Variants in ZC2HC1B observed in about 807,000 individuals in gnomAD.
ZC2HC1B encodes zinc finger C2HC domain-containing protein 1B.
A neutral mutation model predicts 31.0 loss-of-function variants in ZC2HC1B; 36 were observed. The ratio of observed to expected loss-of-function variants is 1.16; its 90% CI spans 0.89 to 1.54. The LOEUF (loss-of-function observed/expected upper bound fraction) is 1.54. Ranked by LOEUF, ZC2HC1B falls within the 40% of genes most tolerant of loss-of-function variation. The pLI is 0.00. For missense variants in ZC2HC1B, 260 were observed against 268.6 expected, an observed-to-expected ratio of 0.97 and a Z score of 0.22; for synonymous variants, 73 against 88.0, an observed-to-expected ratio of 0.83 and a Z score of 0.95.
At chr6:143,880,829 G>A (rs903120373) in intron 1 of ZC2HC1B, among the ~76,000 whole-genome samples, 29 of 151,964 alleles carry the variant, frequency 1.9e-4, no homozygotes, top group African/African-American at 5.6e-4. Context: ...TTATTTTGCC[G>A]TAATTATAGT....
Position 143,898,533 on chromosome 6 carries a change from T to C in ZC2HC1B, c.350-19T>C, listed in dbSNP as rs1365414728. On this transcript the variant is annotated intron_variant, in intron 4 of 7. Transcript: ENST00000237275. Reference sequence around the variant, plus strand: ...TTTTTGAAGTGCTAATTGCCATTTGTTGTTATCTTTACATTCAGATTATAT... The same window carrying C: ...TTTTTGAAGTGCTAATTGCCATTTGCTGTTATCTTTACATTCAGATTATAT... 26 of 1,550,792 alleles carry C rather than the reference T, an allele frequency of 1.7e-5. No individual in the cohort carries two copies. Among genetic ancestry groups the C allele is most frequent in the Non-Finnish European group, 2.2e-5 (25 of 1,146,394 alleles).
chr6:143,930,533 G>A (rs997367939), intron 6 of ZC2HC1B, among the ~76,000 whole-genome samples: 5 of 151,776 alleles, frequency 3.3e-5, no homozygotes, highest in South Asian at 2.1e-4. Context: ...GACTACAGGC[G>A]CCCGCCACCA....
At position 143,915,790 on chromosome 6, in the gene ZC2HC1B, G is replaced by T. The variant is rs1299368714; in HGVS notation, c.598+12638G>T. ...GGGAGATGACTTAGGGTATCTGGCA[G>T]AATAAATTTCTAAGCAGCAAAGCAT... On this transcript the variant is annotated intron_variant, in intron 6 of 7. Transcript: ENST00000237275. The surrounding 1 kb of genome is among the most constrained non-coding windows in gnomAD (Gnocchi z 5.2). 6.6e-6 allele frequency among the ~76,000 whole-genome samples: 1 copy of T among 152,212 alleles called. No homozygotes were observed. Among genetic ancestry groups the T allele is most frequent in the Non-Finnish European group, 1.5e-5 (1 of 68,028 alleles).
intron 6 of ZC2HC1B, among the ~76,000 whole-genome samples, chr6:143,932,897 G>T (rs1373497472): frequency 6.6e-6 from 1 of 152,108 alleles, no homozygotes; most frequent in Non-Finnish European, 1.5e-5. Context: ...GCCAGATTGT[G>T]GTGATTGTTC....
intron 6 of ZC2HC1B, among the ~76,000 whole-genome samples, chr6:143,914,605 C>A (rs1030657519): frequency 3.9e-5 from 6 of 151,984 alleles, no homozygotes; most frequent in African/African-American, 1.5e-4. Context: ...ATTAAATCTT[C>A]TATTTTCTTA....
rs760923832 is a variant in ZC2HC1B, at chr6:143,917,152, C to T, written c.598+14000C>T. Among the ~76,000 whole-genome samples, 8 of 152,140 alleles carry T rather than the reference C, an allele frequency of 5.3e-5. No individual in the cohort carries two copies. Among genetic ancestry groups the T allele is most frequent in the African/African-American group, 1.7e-4 (7 of 41,432 alleles). ...AGTGAGTAAGTCTCATGAGATCTGA[C>T]GACTTTAAAAAGAGGAGCTCCCCTG... On this transcript the variant is annotated intron_variant, in intron 6 of 7. Transcript: ENST00000237275. This position sits in a 1 kb window ranked among gnomAD's most constrained non-coding sequence, Gnocchi z 4.1.
chr6:143,906,241 G>A (rs561203069), intron 6 of ZC2HC1B, among the ~76,000 whole-genome samples: 21 of 151,870 alleles, frequency 1.4e-4, no homozygotes, highest in Middle Eastern at 3.4e-3. Flanking sequence ...TATTCTATTC[G>A]TTCATGATTT....
At chr6:143,892,079 A>G (rs1271636301) in intron 4 of ZC2HC1B, among the ~76,000 whole-genome samples, 2 of 152,198 alleles carry the variant, frequency 1.3e-5, no homozygotes, top group Non-Finnish European at 2.9e-5. Context: ...TTGTGTTGCT[A>G]TAAAGAAATA....
rs1344975474 is a variant in ZC2HC1B at position 143,868,463 on chromosome 6, C to T, written c.28+3896C>T. On this transcript the variant is annotated intron_variant, in intron 1 of 7. Coordinates refer to ENST00000237275, the MANE Select transcript of ZC2HC1B (RefSeq NM_001013623.3). The surrounding 1 kb of genome is among the most constrained non-coding windows in gnomAD (Gnocchi z 4.2). ...GGAGGCTAGGCCAGTCTAGTCTTTTCACATTTTTTTTTTCTGCCTGCTTTA... is the reference window on the plus strand; with the variant it reads ...GGAGGCTAGGCCAGTCTAGTCTTTTTACATTTTTTTTTTCTGCCTGCTTTA... Among the ~76,000 whole-genome samples the T allele has an allele frequency of 7.7e-6, 1 of 130,440 alleles. No individual in the cohort carries two copies. Among genetic ancestry groups the T allele is most frequent in the Admixed American group, 7.6e-5 (1 of 13,136 alleles). 85.6% of individuals were successfully genotyped at this position (130,440 alleles called of 152,430 possible).
chr6:143,926,309 A>G (rs1469538009), intron 6 of ZC2HC1B, among the ~76,000 whole-genome samples: 1 of 151,790 alleles, frequency 6.6e-6, no homozygotes, highest in East Asian at 1.9e-4. Context: ...ATGGGTTTTG[A>G]TATGTTGTGT....
At chr6:143,920,621 G>A (rs1777975406) in intron 6 of ZC2HC1B, among the ~76,000 whole-genome samples, 1 of 152,146 alleles carries the variant, frequency 6.6e-6, no homozygotes, top group African/African-American at 2.4e-5. Flanking sequence ...TCTTAAAATG[G>A]TTGACACGGC....
Position 143,899,535 on chromosome 6 carries a change from C to A in ZC2HC1B, c.489+844C>A, listed in dbSNP as rs2128494949. On this transcript the variant is annotated intron_variant, in intron 5 of 7. Transcript: ENST00000237275. This position sits in a 1 kb window ranked among gnomAD's most constrained non-coding sequence, Gnocchi z 5.0. The stretch of plus-strand genomic sequence containing the variant: ...GAACTACAGGTGCATAGCACCACGC[C>A]CAGCTAATTTTTTGTATTTTTAGTA... Among the ~76,000 whole-genome samples the A allele has an allele frequency of 6.6e-6, 1 of 152,278 alleles. No homozygotes were observed. The highest frequency in any genetic ancestry group is 1.5e-5 in the Non-Finnish European group (1 of 68,028).
chr6:143,929,497 A>G (rs779498677), intron 6 of ZC2HC1B, among the ~76,000 whole-genome samples: 1 of 152,044 alleles, frequency 6.6e-6, no homozygotes, highest in Non-Finnish European at 1.5e-5. Context: ...TTTGTTAAGG[A>G]ATTTTGCACC....
chr6:143,875,594 A>G lies in ZC2HC1B; in HGVS notation c.29-8710A>G, dbSNP rs539667088. Among the ~76,000 whole-genome samples, 12 of 150,732 alleles carry G rather than the reference A, an allele frequency of 8.0e-5. 2 individuals are homozygous for G. Among genetic ancestry groups the G allele is most frequent in the African/African-American group, 2.9e-4 (12 of 40,944 alleles). On this transcript the variant is annotated intron_variant, in intron 1 of 7. Transcript: ENST00000237275. The stretch of plus-strand genomic sequence containing the variant: ...TACCACACCCTTAATATCCATTCCC[A>G]TGCCTGTTCTCCAGATTTCTGTTTA...
At chr6:143,931,808 G>C (rs1167069604) in intron 6 of ZC2HC1B, among the ~76,000 whole-genome samples, 1 of 150,218 alleles carries the variant, frequency 6.7e-6, no homozygotes, top group African/African-American at 2.4e-5. Context: ...GTTTGCCTAG[G>C]TGATTATTTT....
intron 6 of ZC2HC1B, among the ~76,000 whole-genome samples, chr6:143,910,816 C>T (rs1320793534): frequency 4.6e-5 from 7 of 152,110 alleles, no homozygotes; most frequent in Admixed American, 3.3e-4. Flanking sequence ...TGCAGTGGCA[C>T]GATCTTGGCT....
At chr6:143,867,757 C>T (rs1184014720) in intron 1 of ZC2HC1B, among the ~76,000 whole-genome samples, 1 of 152,210 alleles carries the variant, frequency 6.6e-6, no homozygotes, top group Non-Finnish European at 1.5e-5. Context: ...ATATCTTAGT[C>T]GTGATAGCCG....
chr6:143,868,955 CAAA>C lies in ZC2HC1B; in HGVS notation c.28+4390_28+4392del, dbSNP rs956224991. On this transcript the variant is annotated intron_variant, in intron 1 of 7. Coordinates refer to ENST00000237275, the MANE Select transcript of ZC2HC1B (RefSeq NM_001013623.3). The surrounding 1 kb of genome is among the most constrained non-coding windows in gnomAD (Gnocchi z 4.2). ...TGTACATGCACAAACATGTTTTTAA[CAAA>C]AGAAGGAGGAAATACTAATGACAAT... Among the ~76,000 whole-genome samples, 6 of 152,296 alleles carry C rather than the reference CAAA, an allele frequency of 3.9e-5. No homozygotes were observed. The highest frequency in any genetic ancestry group is 3.3e-4 in the Admixed American group (5 of 15,286).
rs1309448495 is a variant in ZC2HC1B, at chr6:143,885,644, G to A, written c.91-388G>A. On this transcript the variant is annotated intron_variant, in intron 2 of 7. Transcript: ENST00000237275. The surrounding 1 kb of genome is among the most constrained non-coding windows in gnomAD (Gnocchi z 4.2). ...AGGGCCAAGGTCCCATAGTGGTACAGTAGCACATTTTATACAGGTGGTACA... is the reference window on the plus strand; with the variant it reads ...AGGGCCAAGGTCCCATAGTGGTACAATAGCACATTTTATACAGGTGGTACA... Among the ~76,000 whole-genome samples, 2 of 152,214 alleles carry A rather than the reference G, an allele frequency of 1.3e-5. No individual in the cohort carries two copies. The highest frequency in any genetic ancestry group is 1.3e-4 in the Admixed American group (2 of 15,282).
Sources: gnomAD v4.1 joint callset for allele counts (sites outside exome capture counted in the v4.1 genomes callset) on GRCh38, gnomAD v4.1.1 for gene constraint, Gnocchi (gnomAD v3.1) non-coding constraint, MANE v1.5 for transcripts, NCBI Gene and HGNC (gene_info 2026-07-23, HGNC 2026-07-21) for gene names.